Variants in UNG observed in about 807,000 individuals in gnomAD.
The protein encoded by UNG is uracil-DNA glycosylase.
In UNG, 34 loss-of-function variants were observed where a neutral mutation model predicts 36.5. The observed-to-expected ratio is 0.93, with a 90% CI of 0.71 to 1.24. The LOEUF (loss-of-function observed/expected upper bound fraction) is 1.24, where lower values mean the gene tolerates loss of function less well. Ranked by LOEUF, UNG falls within the 50% of genes most tolerant of loss-of-function variation. UNG has a pLI of 0.00. For synonymous variants in UNG, 172 were observed against 157.8 expected (o/e 1.09, Z -0.67); for missense variants, 391 against 397.6 (o/e 0.98, Z 0.14).
intron 6 of UNG, among the ~76,000 whole-genome samples, chr12:109,106,921 A>ATATATATATATACGTATATATATATGTG (rs1593324418): frequency 1.8e-4 from 7 of 39,416 alleles, no homozygotes; most frequent in African/African-American, 3.5e-4. Context: ...ATATATGTGT[A>ATATATATATATACGTATATATATATGTG]TATATATATA....
In UNG at chr12:109,097,799, CG is replaced by C; in HGVS notation, c.122del (p.Gly41GlufsTer26). On this transcript the variant is annotated frameshift_variant, in exon 1 of 7. Coordinates refer to ENST00000242576, the MANE Select transcript of UNG (RefSeq NM_080911.3). LOFTEE classifies it high-confidence loss of function. The stretch of plus-strand genomic sequence containing the variant: ...GCGTGGCTGGGGTGCCTGAGGAAAG[CG>C]GAGATGCGGCGGTGAGGCGCGGCTT... The part of the protein sequence containing the change: ...TGVAGVPEES[G>X]DAAAIPAKKA... The C allele has an allele frequency of 6.5e-7, 1 of 1,548,078 alleles. No individual in the cohort carries two copies. Among genetic ancestry groups the C allele is most frequent in the Non-Finnish European group, 8.7e-7 (1 of 1,144,552 alleles).
chr12:109,098,391 C>G, intron 1 of UNG, 41 bp from the exon 2 acceptor site: 1 of 1,601,244 alleles, frequency 6.2e-7, no homozygotes. Flanking sequence ...GGGAAGGGGC[C>G]GCTGCAGCTC....
At chr12:109,104,241 G>A (rs902443840) in intron 6 of UNG, among the ~76,000 whole-genome samples, 1 of 151,176 alleles carries the variant, frequency 6.6e-6, no homozygotes, top group Non-Finnish European at 1.5e-5. Flanking sequence ...TAGAGACAGG[G>A]TTTCACCATG....
chr12:109,109,765 A>C, intron 6 of UNG, 64 bp from the exon 7 acceptor site: 4 of 1,072,158 alleles, frequency 3.7e-6, no homozygotes, highest in Non-Finnish European at 5.1e-6. Flanking sequence ...CTCTGTCTCA[A>C]AAAAAAAAAA....
chr12:109,107,502 G>C (rs2042226486), intron 6 of UNG, among the ~76,000 whole-genome samples: 1 of 148,058 alleles, frequency 6.8e-6, no homozygotes, highest in Non-Finnish European at 1.5e-5. Flanking sequence ...ACCACACCTG[G>C]CCACTGACTA....
chr12:109,098,102 G>A (rs1358547970), intron 1 of UNG: 2 of 1,384,986 alleles, frequency 1.4e-6, no homozygotes, highest in East Asian at 2.7e-5. Context: ...GACCCAGAGG[G>A]AGGTTTTTTG....
At chr12:109,109,497 G>T in intron 6 of UNG, among the ~76,000 whole-genome samples, 1 of 131,998 alleles carries the variant, frequency 7.6e-6, no homozygotes, top group African/African-American at 2.8e-5. Context: ...AAAAAAAAAA[G>T]TCCCGGCCGG....
At chr12:109,105,598 C>T (rs2042209920) in intron 6 of UNG, among the ~76,000 whole-genome samples, 2 of 152,208 alleles carry the variant, frequency 1.3e-5, no homozygotes, top group South Asian at 2.1e-4. Flanking sequence ...CTCCTTTTCT[C>T]ATCCATGCTT....
At chr12:109,105,677 A>C (rs1437463506) in intron 6 of UNG, among the ~76,000 whole-genome samples, 1 of 152,168 alleles carries the variant, frequency 6.6e-6, no homozygotes, top group Non-Finnish European at 1.5e-5. Flanking sequence ...GTCCAGCCAG[A>C]TCTATTACTG....
In UNG at chr12:109,098,569, G is replaced by A. The variant is rs1249328585; in HGVS notation, c.270G>A (p.Val90=). 3.1e-6 allele frequency: 5 copies of A among 1,613,286 alleles called. No homozygotes were observed. The highest frequency in any genetic ancestry group is 4.2e-6 in the Non-Finnish European group (5 of 1,179,996). The change falls in exon 2 of 7, where the codon GTG becomes GTA. Residue 90 remains valine, a synonymous_variant. Coordinates refer to ENST00000242576, the MANE Select transcript of UNG (RefSeq NM_080911.3). ...TGCTCAGACTCGCGGCCCGCAACGT[G>A]CCCGTGGGCTTTGGAGAGAGCTGGA... The part of the protein sequence containing the change: ...AALLRLAARN[V]PVGFGESWKK...
chr12:109,098,568 T>G lies in UNG; in HGVS notation c.269T>G (p.Val90Gly). 2 of 1,613,358 alleles carry G rather than the reference T, an allele frequency of 1.2e-6. No homozygotes were observed. ...AALLRLAARN[V>G]PVGFGESWKK... ...CTGCTCAGACTCGCGGCCCGCAACGTGCCCGTGGGCTTTGGAGAGAGCTGG... is the reference window on the plus strand; with the variant it reads ...CTGCTCAGACTCGCGGCCCGCAACGGGCCCGTGGGCTTTGGAGAGAGCTGG... Residue 90 changes from valine to glycine, a missense_variant, in exon 2 of 7, where the codon GTG becomes GGG. Coordinates refer to ENST00000242576, the MANE Select transcript of UNG (RefSeq NM_080911.3).
intron 6 of UNG, among the ~76,000 whole-genome samples, chr12:109,105,712 C>T (rs1010576937): frequency 1.3e-5 from 2 of 152,190 alleles, no homozygotes; most frequent in African/African-American, 4.8e-5. Context: ...CTCTTTCTCC[C>T]CTCTTCTGTC....
chr12:109,097,834 GC>G, intron 1 of UNG, 23 bp downstream of exon 1: 4 of 1,518,930 alleles, frequency 2.6e-6, no homozygotes, highest in Non-Finnish European at 3.5e-6. Context: ...TTGGGCCGGG[GC>G]TAGGGGGTGA....
Position 109,110,750 on chromosome 12 carries a change from T to G in UNG, c.*781T>G, listed in dbSNP as rs1213808200. ...AGGCAGCACAGACTGCCAAGTACTG[T>G]TTTTTTTAACCGACTGAAATCACTT... is the stretch of plus-strand genomic sequence containing the variant. On this transcript the variant is annotated 3_prime_UTR_variant, in exon 7 of 7. Coordinates refer to ENST00000242576, the MANE Select transcript of UNG (RefSeq NM_080911.3). 6.8e-6 allele frequency: 1 copy of G among 146,956 alleles called. No individual in the cohort carries two copies. Among genetic ancestry groups the G allele is most frequent in the East Asian group, 1.9e-4 (1 of 5,184 alleles). The allele number at this position is 146,956 out of a possible 1,614,324, so 9.1% of individuals were successfully genotyped here. A position where few individuals can be genotyped will look rare whatever the true frequency, so the allele number is the denominator to read the frequency against.
chr12:109,109,777 A>AAAAG (rs1373668764), intron 6 of UNG, 52 bp from the exon 7 acceptor site: 1 of 1,601,672 alleles, frequency 6.2e-7, no homozygotes, highest in African/African-American at 1.4e-5. Context: ...AAAAAAAAAA[A>AAAAG]AAAATTTAAA....
At chr12:109,102,753 C>T (rs1361192649) in intron 4 of UNG, 86 bp from the exon 5 acceptor site, 3 of 1,140,790 alleles carry the variant, frequency 2.6e-6, no homozygotes, top group Non-Finnish European at 3.9e-6. Flanking sequence ...AACTTCTAAC[C>T]TTTTCACATA....
intron 1 of UNG, 150 bp from the exon 2 acceptor site, chr12:109,098,282 G>T: frequency 1.3e-6 from 2 of 1,560,806 alleles, no homozygotes; most frequent in Non-Finnish European, 1.7e-6. Flanking sequence ...ACCGGGCCCA[G>T]CCCTGGGCTC....
chr12:109,098,159 G>A, intron 1 of UNG: 2 of 1,394,122 alleles, frequency 1.4e-6, no homozygotes, highest in Admixed American at 3.1e-5. Context: ...TCTGGCGGGG[G>A]CGGGGCACCT....
At chr12:109,106,168 C>G (rs988323602) in intron 6 of UNG, among the ~76,000 whole-genome samples, 8 of 152,188 alleles carry the variant, frequency 5.3e-5, no homozygotes, top group African/African-American at 1.9e-4. Context: ...CACACTCAGC[C>G]CCTGTGATCC....
Sources: allele counts gnomAD v4.1 joint callset (sites outside exome capture counted in the v4.1 genomes callset), GRCh38; gene constraint gnomAD v4.1.1; transcripts MANE v1.5; gene names NCBI Gene and HGNC (gene_info 2026-07-23, HGNC 2026-07-21).